The following XXYLT1 variants were observed in gnomAD, a reference collection of about 807,000 sequenced individuals.
XXYLT1 encodes xyloside xylosyltransferase 1.
A neutral mutation model predicts 28.9 loss-of-function variants in XXYLT1; 20 were observed. The observed-to-expected ratio is 0.69, with a 90% CI of 0.49 to 1.00. The LOEUF is 1.00. Ranked by LOEUF, XXYLT1 falls within the 50% of genes least tolerant of loss-of-function variation. The pLI is 0.00. For synonymous variants in XXYLT1, 257 were observed against 253.8 expected (o/e 1.01, Z -0.12); for missense variants, 542 against 560.1 (o/e 0.97, Z 0.33).
intron 1 of XXYLT1, chr3:195,259,717 C>T (rs777187847): frequency 1.1e-5 from 11 of 978,920 alleles, no homozygotes; most frequent in Non-Finnish European, 1.3e-5. Flanking sequence ...CAGGGCGGCC[C>T]CCGGAGCCGG....
intron 3 of XXYLT1, among the ~76,000 whole-genome samples, chr3:195,151,384 A>T (rs1403654276): frequency 6.6e-6 from 1 of 151,898 alleles, no homozygotes; most frequent in Non-Finnish European, 1.5e-5. Flanking sequence ...CACAAAAATT[A>T]GTCAGGAGTG....
Position 195,143,845 on chromosome 3 carries a change from TATATATATAG to T in XXYLT1, c.785+12594_785+12603del, listed in dbSNP as rs1486332000. 4.1e-5 allele frequency among the ~76,000 whole-genome samples: 3 copies of T among 73,116 alleles called. 1 individual carries two copies. The highest frequency in any genetic ancestry group is 9.4e-5 in the African/African-American group (2 of 21,316). 48.0% of individuals were successfully genotyped at this position (73,116 alleles called of 152,430 possible). On this transcript the variant is annotated intron_variant, in intron 3 of 3. Coordinates refer to ENST00000310380, the MANE Select transcript of XXYLT1 (RefSeq NM_152531.5). Reference sequence around the variant, plus strand: ...AGATATATATAGATATAGATATAGATATATATATAGATATATATAGATATAGATATATATA... The same window carrying T: ...AGATATATATAGATATAGATATAGATATATATATAGATATAGATATATATA...
At chr3:195,220,009 G>C (rs998519867) in intron 2 of XXYLT1, among the ~76,000 whole-genome samples, 1 of 152,192 alleles carries the variant, frequency 6.6e-6, no homozygotes, top group Non-Finnish European at 1.5e-5. Flanking sequence ...CGCAGGAAAC[G>C]AGCAGGCTGG....
At chr3:195,107,530 AGGAGGAGGGGG>A (rs1237600956) in intron 3 of XXYLT1, among the ~76,000 whole-genome samples, 3,325 of 24,926 alleles carry the variant, frequency 0.13, 1,103 homozygotes, top group African/African-American at 0.33. Context: ...AGGAGGAAGG[AGGAGGAGGGGG>A]AGGAGGAGGG....
chr3:195,165,166 C>T (rs950406308), intron 2 of XXYLT1, among the ~76,000 whole-genome samples: 6 of 152,112 alleles, frequency 3.9e-5, no homozygotes, highest in South Asian at 2.1e-4. Context: ...ACAATGAATC[C>T]GCCACTCTTC....
intron 2 of XXYLT1, among the ~76,000 whole-genome samples, chr3:195,206,269 C>T (rs1043179812): frequency 2.8e-4 from 42 of 151,728 alleles, no homozygotes; most frequent in African/African-American, 8.7e-4. Context: ...CTCGGCCTCC[C>T]GAAGTGCTAC....
intron 2 of XXYLT1, among the ~76,000 whole-genome samples, chr3:195,208,945 G>A (rs750532981): frequency 5.3e-5 from 8 of 152,204 alleles, no homozygotes; most frequent in Non-Finnish European, 8.8e-5. Flanking sequence ...CCTAGGTGCC[G>A]TGAATTCTCC....
chr3:195,251,837 C>G lies in XXYLT1; in HGVS notation c.504+18718G>C, dbSNP rs575311382. 9.8e-5 allele frequency among the ~76,000 whole-genome samples: 15 copies of G among 152,288 alleles called. No individual in the cohort carries two copies. In the East Asian group the frequency reaches 2.7e-3, roughly 27 times the overall value. The stretch of plus-strand genomic sequence containing the variant: ...TGGAGGGGAGCTCACCAGGGTCCTG[C>G]AAAGCAGAAGATGCACACACCCCAG... On this transcript the variant is annotated intron_variant, in intron 1 of 3. Coordinates refer to ENST00000310380, the MANE Select transcript of XXYLT1 (RefSeq NM_152531.5).
At chr3:195,139,080 G>A (rs942403505) in intron 3 of XXYLT1, among the ~76,000 whole-genome samples, 28 of 152,026 alleles carry the variant, frequency 1.8e-4, no homozygotes, top group Non-Finnish European at 2.2e-4. Flanking sequence ...GGGAGTAGCT[G>A]CCCCCAGTGT....
chr3:195,073,976 A>G (rs1714973505), intron 3 of XXYLT1, among the ~76,000 whole-genome samples: 1 of 152,020 alleles, frequency 6.6e-6, no homozygotes, highest in African/African-American at 2.4e-5. Flanking sequence ...CGGGCTGGAG[A>G]ATCTAAGGGC....
chr3:195,231,097 G>T (rs1042690390), intron 1 of XXYLT1, among the ~76,000 whole-genome samples: 4 of 151,816 alleles, frequency 2.6e-5, no homozygotes, highest in Non-Finnish European at 5.9e-5. Context: ...GCTTTCACTT[G>T]TTTGGTTAAT....
At chr3:195,204,199 C>T (rs982602549) in intron 2 of XXYLT1, among the ~76,000 whole-genome samples, 1 of 151,902 alleles carries the variant, frequency 6.6e-6, no homozygotes, top group African/African-American at 2.4e-5. Context: ...AAAGATTAGC[C>T]GGACGTGGTG....
intron 1 of XXYLT1, among the ~76,000 whole-genome samples, chr3:195,252,727 C>CAGAG (rs10649695): frequency 4.2e-5 from 5 of 119,008 alleles, no homozygotes; most frequent in Admixed American, 7.9e-5. Flanking sequence ...CACACACACA[C>CAGAG]AGAGAGAGAG....
Position 195,156,429 on chromosome 3 carries a change from C to A in XXYLT1, c.785+20G>T. 1.9e-6 allele frequency: 3 copies of A among 1,611,614 alleles called. No homozygotes were observed. Among genetic ancestry groups the A allele is most frequent in the Non-Finnish European group, 2.5e-6 (3 of 1,179,030 alleles). On this transcript the variant is annotated intron_variant, in intron 3 of 3. Coordinates refer to ENST00000310380, the MANE Select transcript of XXYLT1 (RefSeq NM_152531.5). Reference sequence around the variant, plus strand: ...GTGGGGAGGGGTCGTGGAGGCGGCCCCCCTGCAGTCATGACGCACCTGTAA... The same window carrying A: ...GTGGGGAGGGGTCGTGGAGGCGGCCACCCTGCAGTCATGACGCACCTGTAA...
Position 195,255,947 on chromosome 3 carries a change from T to C in XXYLT1, c.504+14608A>G, listed in dbSNP as rs1053600016. Reference sequence around the variant, plus strand: ...GGCTCCCTGCTGTTCTATGGGCAGCTCCTGGAGGAGGGAGGGAAGGTCCAC... The same window carrying C: ...GGCTCCCTGCTGTTCTATGGGCAGCCCCTGGAGGAGGGAGGGAAGGTCCAC... On this transcript the variant is annotated intron_variant, in intron 1 of 3. Transcript: ENST00000310380. This position sits in a 1 kb window ranked among gnomAD's most constrained non-coding sequence, Gnocchi z 4.5. 2.0e-4 allele frequency among the ~76,000 whole-genome samples: 30 copies of C among 152,058 alleles called. No homozygotes were observed. The highest frequency in any genetic ancestry group is 7.0e-4 in the African/African-American group (29 of 41,398).
intron 3 of XXYLT1, among the ~76,000 whole-genome samples, chr3:195,117,823 A>T (rs373959203): frequency 2.0e-5 from 3 of 152,232 alleles, no homozygotes; most frequent in Non-Finnish European, 4.4e-5. Context: ...GTCAGTGGCC[A>T]TCTCAGTGCC....
chr3:195,252,913 C>T (rs1011420771), intron 1 of XXYLT1, among the ~76,000 whole-genome samples: 9 of 152,116 alleles, frequency 5.9e-5, no homozygotes, highest in African/African-American at 9.7e-5. Context: ...CATACGCCAC[C>T]GCAGGTGGGT....
At chr3:195,098,755 A>T (rs1010079503) in intron 3 of XXYLT1, among the ~76,000 whole-genome samples, 1 of 152,158 alleles carries the variant, frequency 6.6e-6, no homozygotes, top group Admixed American at 6.5e-5. Flanking sequence ...TCTGACAGTT[A>T]AGGCCCTGGT....
At position 195,174,864 on chromosome 3, in the gene XXYLT1, T is replaced by C. The variant is rs180828008; in HGVS notation, c.653-18283A>G. Among the ~76,000 whole-genome samples the C allele has an allele frequency of 3.1e-3, 464 of 152,124 alleles. 3 individuals carry two copies. The highest frequency in any genetic ancestry group is 5.7e-3 in the Non-Finnish European group (390 of 67,992). ...ACTGGACTCAAGCGATCCTCCCTCC[T>C]TGGCCTCCTGAGAAGCTGGGTCTAC... is the stretch of plus-strand genomic sequence containing the variant. On this transcript the variant is annotated intron_variant, in intron 2 of 3. Coordinates refer to ENST00000310380, the MANE Select transcript of XXYLT1 (RefSeq NM_152531.5).
Sources: allele counts gnomAD v4.1 joint callset (sites outside exome capture counted in the v4.1 genomes callset), GRCh38; gene constraint gnomAD v4.1.1; non-coding constraint Gnocchi (gnomAD v3.1); transcripts MANE v1.5; gene names NCBI Gene and HGNC (gene_info 2026-07-23, HGNC 2026-07-21).